Variants in PCSK4 observed in about 807,000 individuals in gnomAD.
PCSK4 encodes the protein testicular tissue protein Li 135.
Under a neutral mutation model 80.3 loss-of-function variants are expected in PCSK4, and 64 were observed. The observed-to-expected ratio is 0.80, with a 90% CI of 0.65 to 0.98. The LOEUF is 0.98. Ranked by LOEUF, PCSK4 falls within the 50% of genes least tolerant of loss-of-function variation. PCSK4 has a pLI of 0.00. For synonymous variants in PCSK4, 561 were observed against 487.6 expected (o/e 1.15, Z -1.98); for missense variants, 1,213 against 1,093.6 (o/e 1.11, Z -1.54).
chr19:1,488,938 G>A (rs915845454), intron 2 of PCSK4, among the ~76,000 whole-genome samples: 1 of 152,134 alleles, frequency 6.6e-6, no homozygotes, highest in South Asian at 2.1e-4. Flanking sequence ...TCCCGGTGCT[G>A]TAAGCAGGCA....
chr19:1,488,110 G>A lies in PCSK4; in HGVS notation c.388-18C>T, dbSNP rs756767507. 1 of 1,612,848 alleles carries A rather than the reference G, an allele frequency of 6.2e-7. No individual in the cohort carries two copies. Among genetic ancestry groups the A allele is most frequent in the Non-Finnish European group, 8.5e-7 (1 of 1,179,634 alleles). ...TCGCTGTTCTGCAGGGGGAGGCGGG[G>A]TTGTGACCCTGTGAGGGCCTGGAGT... On this transcript the variant is annotated intron_variant, in intron 3 of 14. Coordinates refer to ENST00000300954, the Ensembl canonical transcript of PCSK4.
intron 8 of PCSK4, 84 bp downstream of exon 8, chr19:1,486,769 A>C: frequency 5.2e-6 from 6 of 1,164,810 alleles, no homozygotes; most frequent in South Asian, 1.3e-5. Context: ...GGAGGGTGCT[A>C]AGTCACAGTG....
At chr19:1,490,459 C>G, upstream of PCSK4, 1 of 544,752 alleles carries the variant, frequency 1.8e-6, no homozygotes, top group Non-Finnish European at 3.2e-6. Flanking sequence ...AAGGCTTCGA[C>G]TCCCAGGGGG....
At chr19:1,482,813 C>T (rs1324781407) in intron 13 of PCSK4, 83 bp downstream of exon 13, 16 of 1,454,006 alleles carry the variant, frequency 1.1e-5, no homozygotes, top group African/African-American at 4.2e-5. Context: ...TTTTGCAGTG[C>T]GGTCACCAAG....
At chr19:1,482,421 G>T in exon 14 of PCSK4, 12 of 1,608,106 alleles carry the variant, frequency 7.5e-6, no homozygotes, top group Non-Finnish European at 8.5e-6. Flanking sequence ...TGTAGGCCGC[G>T]CTGTCATGTC....
At chr19:1,490,421 A>C (rs806528), upstream of PCSK4, 226,524 of 593,646 alleles carry the variant, frequency 0.38, 46,883 homozygotes, top group African/African-American at 0.72. Context: ...CAGGCGTCCG[A>C]CCCGCCCCCG....
intron 14 of PCSK4, 24 bp from the exon 15 acceptor site, chr19:1,482,231 G>A: frequency 2.0e-6 from 3 of 1,524,520 alleles, no homozygotes; most frequent in Non-Finnish European, 2.6e-6. Context: ...CGCACGCAAA[G>A]GCCCGTCAGC....
intron 8 of PCSK4, among the ~76,000 whole-genome samples, chr19:1,486,596 T>G (rs1835797945): frequency 6.8e-6 from 1 of 147,604 alleles, no homozygotes; most frequent in Non-Finnish European, 1.5e-5. Context: ...GTGCCTGGCC[T>G]TTTTTTTTTG....
At chr19:1,489,111 G>T (rs1432368527) in intron 2 of PCSK4, among the ~76,000 whole-genome samples, 1 of 151,586 alleles carries the variant, frequency 6.6e-6, no homozygotes, top group African/African-American at 2.4e-5. Flanking sequence ...AGGGCCACTG[G>T]GTGACTGTAA....
In PCSK4 at chr19:1,483,469, G is replaced by A. The variant is rs1238083082; in HGVS notation, c.1392-6C>T. The A allele has an allele frequency of 6.3e-7, 1 of 1,576,824 alleles. No homozygotes were observed. Among genetic ancestry groups the A allele is most frequent in the Non-Finnish European group, 8.6e-7 (1 of 1,163,752 alleles). Reference sequence around the variant, plus strand: ...AGATCAGCGGCAGGATGGGGCTGAGGGGGTCGAGGGGTGAGGACCCTCCTG... The same window carrying A: ...AGATCAGCGGCAGGATGGGGCTGAGAGGGTCGAGGGGTGAGGACCCTCCTG... On this transcript the variant is annotated splice_region_variant and splice_polypyrimidine_tract_variant and intron_variant, in intron 11 of 14. Coordinates refer to ENST00000300954, the Ensembl canonical transcript of PCSK4.
intron 8 of PCSK4, among the ~76,000 whole-genome samples, chr19:1,484,674 T>C (rs1454504336): frequency 1.3e-5 from 2 of 150,340 alleles, no homozygotes; most frequent in Non-Finnish European, 3.0e-5. Flanking sequence ...TACCCGGGTA[T>C]GGTGGCGGGG....
Position 1,483,660 on chromosome 19 carries a change from T to TCTGGACCC in PCSK4, c.1373_1380dup (p.Ser461GlyfsTer12). Reference sequence around the variant, plus strand: ...GCGCAGGGGTCTCACGTGGGGCGGCTCTGGACCCGGACGGCGCACTTCCTC... The same window carrying TCTGGACCC: ...GCGCAGGGGTCTCACGTGGGGCGGCTCTGGACCCCTGGACCCGGACGGCGCACTTCCTC... On this transcript the variant is annotated frameshift_variant, in exon 11 of 15. Coordinates refer to ENST00000300954, the Ensembl canonical transcript of PCSK4. LOFTEE classifies it high-confidence loss of function. The TCTGGACCC allele has an allele frequency of 6.3e-7, 1 of 1,591,322 alleles. No individual in the cohort carries two copies. The highest frequency in any genetic ancestry group is 8.5e-7 in the Non-Finnish European group (1 of 1,175,164).
intron 4 of PCSK4, 38 bp from the exon 5 acceptor site, chr19:1,487,899 T>C: frequency 6.4e-7 from 1 of 1,571,444 alleles, no homozygotes. Context: ...CCGGGAGGCG[T>C]CCCTAGGGTG....
At chr19:1,484,114 A>G in exon 9 of PCSK4, 1 of 1,560,626 alleles carries the variant, frequency 6.4e-7, no homozygotes, top group Non-Finnish European at 8.7e-7. Flanking sequence ...CCCGTGATGC[A>G]GGTCCGTGGT....
chr19:1,490,464 AG>A (rs2084892657), upstream of PCSK4: 4 of 538,434 alleles, frequency 7.4e-6, no homozygotes, highest in Admixed American at 3.7e-5. Flanking sequence ...TTCGACTCCC[AG>A]GGGGCCTTGC....
rs769594972 is a variant in PCSK4 at position 1,490,164 on chromosome 19, C to T, written c.183G>A (p.Leu61=). The T allele has an allele frequency of 1.1e-5, 18 of 1,613,614 alleles. No homozygotes were observed. The African/African-American group carries it at 1.2e-4, about 11-fold the overall frequency. ...CTATCCCGGTCCCACCCACCGGCCC[C>T]AGGTTGACGAAGCCGAATTTGCGTG... Residue 61 remains leucine, a synonymous_variant, in exon 1 of 15, where the codon CTG becomes CTA. Transcript: ENST00000300954.
At chr19:1,484,122 G>T (rs528375508) in exon 9 of PCSK4, 2 of 1,552,108 alleles carry the variant, frequency 1.3e-6, no homozygotes, top group African/African-American at 1.4e-5. Context: ...GCAGGTCCGT[G>T]GTGACCTGAG....
In PCSK4 at chr19:1,487,591, G is replaced by A; in HGVS notation, c.682+12C>T. On this transcript the variant is annotated intron_variant, in intron 6 of 14. Coordinates refer to ENST00000300954, the Ensembl canonical transcript of PCSK4. ...CTGTCCCGGAATGGTGCCGCTGGGG[G>A]ACCCCGGGTACCTCCGATTCGGGCG... 1 of 1,546,860 alleles carries A rather than the reference G, an allele frequency of 6.5e-7. No individual in the cohort carries two copies. Among genetic ancestry groups the A allele is most frequent in the South Asian group, 1.2e-5 (1 of 84,042 alleles).
exon 2 of PCSK4, chr19:1,489,835 G>C: frequency 6.2e-7 from 1 of 1,610,854 alleles, no homozygotes; most frequent in Non-Finnish European, 8.5e-7. Flanking sequence ...CCCAGTGCGG[G>C]GTCAGGGACT....
Sources: gnomAD v4.1 joint callset for allele counts (sites outside exome capture counted in the v4.1 genomes callset) on GRCh38, gnomAD v4.1.1 for gene constraint, MANE v1.5 for transcripts, NCBI Gene and HGNC (gene_info 2026-07-23, HGNC 2026-07-21) for gene names.